Variants in MYO18A observed in about 807,000 individuals in gnomAD.
MYO18A encodes myosin XVIIIA.
A neutral mutation model predicts 235.8 loss-of-function variants in MYO18A; 78 were observed. That is an observed-to-expected ratio of 0.33 (90% CI 0.28 to 0.40). The LOEUF (loss-of-function observed/expected upper bound fraction) is 0.40. Among genes scored for constraint, MYO18A ranks in the 10% least tolerant of loss-of-function variants. The pLI is 1.00. For missense variants in MYO18A, 2,215 were observed against 2,699.3 expected (o/e 0.82, Z 3.98); for synonymous variants, 977 against 1,077.8 (o/e 0.91, Z 1.83).
In MYO18A at chr17:29,071,706, T is replaced by C. The variant is rs2065885879; in HGVS notation, c.*3064A>G. On this transcript the variant is annotated 3_prime_UTR_variant, in exon 42 of 42. Coordinates refer to ENST00000527372, the MANE Select transcript of MYO18A (RefSeq NM_078471.4). ...TCCATAGTATGTCCAAAGCAACCTC[T>C]TCATCCTTGTTAGGTCTTATGTAAT... 1.3e-5 allele frequency: 2 copies of C among 152,376 alleles called. 1 individual carries two copies. The highest frequency in any genetic ancestry group is 2.9e-5 in the Non-Finnish European group (2 of 68,036). 9.4% of individuals were successfully genotyped at this position (152,376 alleles called of 1,614,324 possible). A position where few individuals can be genotyped will look rare whatever the true frequency, so the allele number is the denominator to read the frequency against.
At chr17:29,089,821 G>T in intron 37 of MYO18A, 140 bp downstream of exon 37, 1 of 1,096,046 alleles carries the variant, frequency 9.1e-7, no homozygotes, top group Non-Finnish European at 1.3e-6. Flanking sequence ...AGAAGCACCT[G>T]CCCGTCAGCT....
intron 19 of MYO18A, among the ~76,000 whole-genome samples, chr17:29,108,226 C>A (rs1033066055): frequency 6.6e-6 from 1 of 152,208 alleles, no homozygotes; most frequent in Non-Finnish European, 1.5e-5. Flanking sequence ...TTGCCTCACC[C>A]TGACCTTGAG....
intron 2 of MYO18A, among the ~76,000 whole-genome samples, chr17:29,123,222 C>T (rs1248664570): frequency 6.6e-6 from 1 of 152,182 alleles, no homozygotes; most frequent in East Asian, 1.9e-4. Context: ...GGGAAACAGA[C>T]GAGGGACCCA....
chr17:29,084,974 C>T lies in MYO18A; in HGVS notation c.5897+630G>A, dbSNP rs561300691. Among the ~76,000 whole-genome samples, 420 of 152,278 alleles carry T rather than the reference C, an allele frequency of 2.8e-3. 1 individual carries two copies. Among genetic ancestry groups the T allele is most frequent in the Non-Finnish European group, 4.9e-3 (333 of 68,020 alleles). ...ACCTGACAGTACCAGCACAAGCGCC[C>T]GCTGGGGCCTCCCTCTGCCCACGGT... On this transcript the variant is annotated intron_variant, in intron 40 of 41. Coordinates refer to ENST00000527372, the MANE Select transcript of MYO18A (RefSeq NM_078471.4).
At chr17:29,099,037 C>T in intron 22 of MYO18A, 68 bp from the exon 23 acceptor site, 1 of 1,590,460 alleles carries the variant, frequency 6.3e-7, no homozygotes, top group Non-Finnish European at 8.6e-7. Flanking sequence ...GGCCCAGGAT[C>T]CTCCCCACCA....
At position 29,074,101 on chromosome 17, in the gene MYO18A, C is replaced by T. The variant is rs889834891; in HGVS notation, c.*669G>A. 6.8e-6 allele frequency: 11 copies of T among 1,613,926 alleles called. No homozygotes were observed. The highest frequency in any genetic ancestry group is 8.5e-6 in the Non-Finnish European group (10 of 1,180,044). ...CCAGCAGCACCGGAGAGCCCCTCCG[C>T]ACCTCATTCTTAAGAACCTGGACCC... On this transcript the variant is annotated 3_prime_UTR_variant, in exon 42 of 42. Coordinates refer to ENST00000527372, the MANE Select transcript of MYO18A (RefSeq NM_078471.4). This position sits in a 1 kb window ranked among gnomAD's most constrained non-coding sequence, Gnocchi z 4.4.
At position 29,103,640 on chromosome 17, in the gene MYO18A, A is replaced by G; in HGVS notation, c.3466T>C (p.Leu1156=). The part of the protein sequence containing the change: ...RRAVEELLEC[L]DLEKSSCCMG... The stretch of plus-strand genomic sequence containing the variant: ...CAGCAGCTGCTCTTCTCCAGATCCA[A>G]GCACTCCAGCAGCTCCTCCACTGCC... The change falls in exon 21 of 42, where the codon TTG becomes CTG. Residue 1156 remains leucine (L), a synonymous_variant. Transcript: ENST00000527372. 1 of 1,613,810 alleles carries G rather than the reference A, an allele frequency of 6.2e-7. No individual in the cohort carries two copies. The highest frequency in any genetic ancestry group is 8.5e-7 in the Non-Finnish European group (1 of 1,179,868).
Position 29,120,976 on chromosome 17 carries a change from T to G in MYO18A, c.1585+22A>C, listed in dbSNP as rs2067184325. ...CCCTCCCCTCACCCCACTTTCAGTT[T>G]TCTCCCTTGTCCCTGCCTCACCAGA... is the stretch of plus-strand genomic sequence containing the variant. On this transcript the variant is annotated intron_variant, in intron 6 of 41. Coordinates refer to ENST00000527372, the MANE Select transcript of MYO18A (RefSeq NM_078471.4). The surrounding 1 kb of genome is among the most constrained non-coding windows in gnomAD (Gnocchi z 4.2). The G allele has an allele frequency of 5.6e-6, 9 of 1,598,600 alleles. No individual in the cohort carries two copies. In the Admixed American group the frequency reaches 8.6e-5, roughly 15 times the overall value.
chr17:29,084,499 G>C (rs535992840), intron 40 of MYO18A, among the ~76,000 whole-genome samples: 6 of 152,286 alleles, frequency 3.9e-5, no homozygotes, highest in Admixed American at 6.5e-5. Flanking sequence ...AGGCTCAGAG[G>C]GCAGTTGAAA....
intron 2 of MYO18A, among the ~76,000 whole-genome samples, chr17:29,147,880 C>T (rs541438605): frequency 7.1e-6 from 1 of 140,532 alleles, no homozygotes; most frequent in Admixed American, 7.0e-5. Context: ...TGCACTCCAG[C>T]CTGGGTGACA....
chr17:29,150,484 T>C (rs1370193915), intron 2 of MYO18A, among the ~76,000 whole-genome samples: 3 of 152,164 alleles, frequency 2.0e-5, no homozygotes, highest in African/African-American at 2.4e-5. Context: ...GGTTGAGGTG[T>C]AGAAATTGCC....
chr17:29,097,461 C>T, intron 26 of MYO18A, 111 bp from the exon 27 acceptor site: 1 of 1,421,192 alleles, frequency 7.0e-7, no homozygotes. Context: ...AGCCAGGGCT[C>T]AGAAAGCTCT....
chr17:29,141,341 A>G (rs2067735217), intron 2 of MYO18A, among the ~76,000 whole-genome samples: 1 of 152,038 alleles, frequency 6.6e-6, no homozygotes, highest in South Asian at 2.1e-4. Flanking sequence ...TGGAGAACAG[A>G]ATGTCAAGGG....
At chr17:29,135,096 CTTT>C (rs879638543) in intron 2 of MYO18A, among the ~76,000 whole-genome samples, 1 of 144,754 alleles carries the variant, frequency 6.9e-6, no homozygotes. Flanking sequence ...ATAACTGGTT[CTTT>C]TTTTTTTTTT....
rs949392983 is a variant in MYO18A at position 29,126,331 on chromosome 17, A to G, written c.1000-4078T>C. On this transcript the variant is annotated intron_variant, in intron 2 of 41. Transcript: ENST00000527372. This position sits in a 1 kb window ranked among gnomAD's most constrained non-coding sequence, Gnocchi z 4.1. ...GGGACGGGGAGGAGGGACGGGGAGGAGGGAGGGGAGGGCAGCCGCCCGGGA... is the reference window on the plus strand; with the variant it reads ...GGGACGGGGAGGAGGGACGGGGAGGGGGGAGGGGAGGGCAGCCGCCCGGGA... 8.9e-6 allele frequency among the ~76,000 whole-genome samples: 1 copy of G among 112,604 alleles called. No homozygotes were observed. The highest frequency in any genetic ancestry group is 1.8e-5 in the Non-Finnish European group (1 of 54,298). The allele number at this position is 112,604 out of a possible 152,430, so 73.9% of individuals were successfully genotyped here. A position where few individuals can be genotyped will look rare whatever the true frequency, so the allele number is the denominator to read the frequency against.
At chr17:29,124,186 C>A (rs2067265380) in intron 2 of MYO18A, among the ~76,000 whole-genome samples, 1 of 152,184 alleles carries the variant, frequency 6.6e-6, no homozygotes, top group African/African-American at 2.4e-5. Flanking sequence ...GACATCATAG[C>A]CTGTAACTAA....
In MYO18A at chr17:29,165,893, C is replaced by T. The variant is rs536417665; in HGVS notation, c.999+49G>A. ...CGATTACCCAGTCAAGCAGGAGGTG[C>T]CCACATTCCCCATCCCTGCTTAGCC... is the stretch of plus-strand genomic sequence containing the variant. On this transcript the variant is annotated intron_variant, in intron 2 of 41. Coordinates refer to ENST00000527372, the MANE Select transcript of MYO18A (RefSeq NM_078471.4). 9 of 1,537,930 alleles carry T rather than the reference C, an allele frequency of 5.9e-6. No homozygotes were observed. In the South Asian group the frequency reaches 1.1e-4, roughly 19 times the overall value.
intron 18 of MYO18A, 140 bp downstream of exon 18, chr17:29,110,296 C>A (rs1197241129): frequency 2.4e-6 from 3 of 1,263,972 alleles, no homozygotes; most frequent in African/African-American, 3.0e-5. Context: ...AAAAGAAGAC[C>A]CCCACCTGCA....
rs1442490224 is a variant in MYO18A, at chr17:29,071,320, A to G, written c.*3450T>C. The G allele has an allele frequency of 2.0e-5, 3 of 152,178 alleles. No homozygotes were observed. Among genetic ancestry groups the G allele is most frequent in the Non-Finnish European group, 4.4e-5 (3 of 68,044 alleles). 9.4% of individuals were successfully genotyped at this position (152,178 alleles called of 1,614,324 possible). ...ATTTGCCTTCTGCAACATCTTAGGG[A>G]CCAGAGGTACCATGAGTGTACAGGT... On this transcript the variant is annotated 3_prime_UTR_variant, in exon 42 of 42. Coordinates refer to ENST00000527372, the MANE Select transcript of MYO18A (RefSeq NM_078471.4).
Sources: allele counts gnomAD v4.1 joint callset (sites outside exome capture counted in the v4.1 genomes callset), GRCh38; gene constraint gnomAD v4.1.1; non-coding constraint Gnocchi (gnomAD v3.1); transcripts MANE v1.5; gene names NCBI Gene and HGNC (gene_info 2026-07-23, HGNC 2026-07-21).